KLHL1: variants seen among roughly 807,000 people sequenced by gnomAD.
The protein encoded by KLHL1 is kelch-like protein 1.
In KLHL1, 47 loss-of-function variants were observed where a neutral mutation model predicts 77.7. The observed-to-expected ratio is 0.60, with a 90% CI of 0.48 to 0.77. KLHL1 has a LOEUF of 0.77. Among genes scored for constraint, KLHL1 ranks in the 30% least tolerant of loss-of-function variants. The pLI is 0.00. For synonymous variants in KLHL1, 360 were observed against 325.2 expected, an observed-to-expected ratio of 1.11 and a Z score of -1.15; for missense variants, 925 against 910.8, an observed-to-expected ratio of 1.02 and a Z score of -0.20.
At chr13:69,923,112 A>G (rs1882697778) in intron 4 of KLHL1, among the ~76,000 whole-genome samples, 1 of 152,186 alleles carries the variant, frequency 6.6e-6, no homozygotes. Context: ...CTTAACAAAG[A>G]GGTGAACTCC....
At chr13:69,928,115 A>G (rs1469081977) in intron 4 of KLHL1, among the ~76,000 whole-genome samples, 1 of 152,218 alleles carries the variant, frequency 6.6e-6, no homozygotes, top group East Asian at 1.9e-4. Flanking sequence ...TTCAGACATT[A>G]GAATCATTAG....
intron 1 of KLHL1, among the ~76,000 whole-genome samples, chr13:70,105,897 C>T (rs1888043415): frequency 6.6e-6 from 1 of 150,586 alleles, no homozygotes; most frequent in Admixed American, 6.6e-5. Flanking sequence ...CCAGATTATA[C>T]TTCTCCCTCA....
At chr13:69,876,583 T>C (rs1477301752) in intron 5 of KLHL1, among the ~76,000 whole-genome samples, 1 of 152,238 alleles carries the variant, frequency 6.6e-6, no homozygotes, top group Non-Finnish European at 1.5e-5. Context: ...TTCTATTATT[T>C]CATTGCAAGC....
At chr13:69,948,731 T>C (rs954191577) in intron 3 of KLHL1, among the ~76,000 whole-genome samples, 1 of 152,014 alleles carries the variant, frequency 6.6e-6, no homozygotes, top group Non-Finnish European at 1.5e-5. Context: ...GTGGTTCTAT[T>C]TCTTATTAGA....
chr13:69,991,619 CCT>C (rs1209193215), intron 1 of KLHL1, among the ~76,000 whole-genome samples: 1 of 151,416 alleles, frequency 6.6e-6, no homozygotes, highest in African/African-American at 2.4e-5. Flanking sequence ...TGAATGAATC[CCT>C]GAACAGACCA....
At chr13:69,724,427 G>A (rs1450177947) in intron 8 of KLHL1, among the ~76,000 whole-genome samples, 4 of 152,098 alleles carry the variant, frequency 2.6e-5, no homozygotes, top group African/African-American at 7.2e-5. Context: ...ACTTAAAGAA[G>A]AATTAATACT....
At chr13:69,896,483 T>C (rs907090109) in intron 4 of KLHL1, among the ~76,000 whole-genome samples, 7 of 152,140 alleles carry the variant, frequency 4.6e-5, no homozygotes, top group Non-Finnish European at 8.8e-5. Flanking sequence ...TGTGCCCGCT[T>C]GTCAAATGTA....
intron 1 of KLHL1, among the ~76,000 whole-genome samples, chr13:70,041,733 T>G (rs1008689207): frequency 6.6e-6 from 1 of 152,054 alleles, no homozygotes; most frequent in Non-Finnish European, 1.5e-5. Context: ...TTGTCACTCC[T>G]TGGTGGGCCT....
chr13:69,839,409 C>T (rs1158648632), intron 5 of KLHL1, among the ~76,000 whole-genome samples: 2 of 151,714 alleles, frequency 1.3e-5, no homozygotes, highest in Admixed American at 1.3e-4. Context: ...AAAAAAAACA[C>T]TTATAGTGAT....
chr13:70,037,545 T>C lies in KLHL1; in HGVS notation c.498-61743A>G, dbSNP rs1310515387. 2.0e-5 allele frequency among the ~76,000 whole-genome samples: 3 copies of C among 152,098 alleles called. No homozygotes were observed. The South Asian group carries it at 6.2e-4, about 31-fold the overall frequency. ...TAATTTGTTGTCTAAAATATAAGAA[T>C]GTATATCTTTATTTCTAAATAACTT... is the stretch of plus-strand genomic sequence containing the variant. On this transcript the variant is annotated intron_variant, in intron 1 of 10. Transcript: ENST00000377844.
At chr13:69,989,294 T>C (rs1884960769) in intron 1 of KLHL1, among the ~76,000 whole-genome samples, 1 of 152,076 alleles carries the variant, frequency 6.6e-6, no homozygotes, top group African/African-American at 2.4e-5. Flanking sequence ...TTCATGGCTC[T>C]ATTCTGTTCC....
At chr13:70,017,578 T>G (rs1885689237) in intron 1 of KLHL1, among the ~76,000 whole-genome samples, 1 of 152,110 alleles carries the variant, frequency 6.6e-6, no homozygotes, top group Admixed American at 6.5e-5. Context: ...GCAGGTGTGG[T>G]ATCTGTGCTG....
chr13:70,071,612 A>G (rs1887138955), intron 1 of KLHL1, among the ~76,000 whole-genome samples: 1 of 152,090 alleles, frequency 6.6e-6, no homozygotes, highest in South Asian at 2.1e-4. Flanking sequence ...AAAGAAAAAA[A>G]TCAGACATCA....
chr13:69,918,355 ATTTT>A (rs1217226407), intron 4 of KLHL1, among the ~76,000 whole-genome samples: 1 of 151,888 alleles, frequency 6.6e-6, no homozygotes, highest in Admixed American at 6.6e-5. Flanking sequence ...ACGAAGAGTG[ATTTT>A]TTTATTAAAT....
chr13:69,964,921 A>G (rs1884169699), intron 2 of KLHL1, among the ~76,000 whole-genome samples: 1 of 152,110 alleles, frequency 6.6e-6, no homozygotes, highest in African/African-American at 2.4e-5. Flanking sequence ...TTTTCTGTCT[A>G]CAGTAAAATT....
chr13:69,981,606 T>C (rs1884710279), intron 1 of KLHL1, among the ~76,000 whole-genome samples: 1 of 152,070 alleles, frequency 6.6e-6, no homozygotes, highest in South Asian at 2.1e-4. Flanking sequence ...TGTCTTTAGA[T>C]TATATTTGCA....
chr13:69,760,034 C>T (rs1489573105), intron 7 of KLHL1, among the ~76,000 whole-genome samples: 1 of 152,068 alleles, frequency 6.6e-6, no homozygotes. Context: ...TTCTTTAAAC[C>T]TCTTCTTTTA....
chr13:70,008,414 A>T (rs1885454995), intron 1 of KLHL1, among the ~76,000 whole-genome samples: 1 of 152,084 alleles, frequency 6.6e-6, no homozygotes. Flanking sequence ...TTCTATGAAC[A>T]TATAAGTGTG....
At chr13:69,742,772 C>T (rs1412289161) in intron 7 of KLHL1, among the ~76,000 whole-genome samples, 2 of 152,120 alleles carry the variant, frequency 1.3e-5, no homozygotes, top group Non-Finnish European at 2.9e-5. Flanking sequence ...ATGGAGGGAT[C>T]GTGTTTTGAG....
Sources: allele counts gnomAD v4.1 joint callset (sites outside exome capture counted in the v4.1 genomes callset), GRCh38; gene constraint gnomAD v4.1.1; transcripts MANE v1.5; gene names NCBI Gene and HGNC (gene_info 2026-07-23, HGNC 2026-07-21).